The following RGS4 variants were observed in gnomAD, a reference collection of about 807,000 sequenced individuals.
The protein encoded by RGS4 is schizophrenia disorder 9.
In RGS4, 15 loss-of-function variants were observed where a neutral mutation model predicts 21.6. The observed-to-expected ratio is 0.69, with a 90% CI of 0.46 to 1.07. The LOEUF (loss-of-function observed/expected upper bound fraction) is 1.07, where lower values mean the gene tolerates loss of function less well. Among genes scored for constraint, RGS4 ranks in the 50% least tolerant of loss-of-function variants. The pLI is 0.00. For missense variants in RGS4, 237 were observed against 239.0 expected (o/e 0.99, Z 0.06); for synonymous variants, 94 against 85.5 (o/e 1.10, Z -0.55).
At chr1:163,069,157 A>G (rs1655217234), upstream of RGS4, 6 of 1,495,864 alleles carry the variant, frequency 4.0e-6, no homozygotes, top group South Asian at 6.9e-5. Flanking sequence ...CATTGAGTAC[A>G]TTTTTTCCCA....
At position 163,075,690 on chromosome 1, in the gene RGS4, C is replaced by T. The variant is rs192397396; in HGVS notation, c.*1130C>T. Reference sequence around the variant, plus strand: ...TGCTCTTCTCATTTTTTCCTGAGAACCTTAGCCATCAGATGAGGCTCCTTA... The same window carrying T: ...TGCTCTTCTCATTTTTTCCTGAGAATCTTAGCCATCAGATGAGGCTCCTTA... On this transcript the variant is annotated 3_prime_UTR_variant, in exon 5 of 5. Transcript: ENST00000367909. The T allele has an allele frequency of 2.0e-5, 3 of 152,134 alleles. No individual in the cohort carries two copies. The highest frequency in any genetic ancestry group is 2.9e-5 in the Non-Finnish European group (2 of 68,026). The allele number at this position is 152,134 out of a possible 1,614,324, so 9.4% of individuals were successfully genotyped here.
intron 3 of RGS4, 91 bp downstream of exon 3, chr1:163,072,957 C>A: frequency 9.1e-7 from 1 of 1,093,016 alleles, no homozygotes; most frequent in Non-Finnish European, 1.4e-6. Flanking sequence ...GGCCTGGCTT[C>A]TTTCTGATGT....
At chr1:163,069,649 G>A (rs1182869673) in intron 1 of RGS4, 121 bp downstream of exon 1, 4 of 796,996 alleles carry the variant, frequency 5.0e-6, no homozygotes, top group African/African-American at 3.5e-5. Flanking sequence ...AGGAGAGCAC[G>A]ACTTTCTAAC....
intron 1 of RGS4, chr1:163,072,085 A>G: frequency 9.4e-7 from 1 of 1,063,450 alleles, no homozygotes; most frequent in Non-Finnish European, 1.1e-6. Context: ...TGTTGAAGAT[A>G]CCAAAGATAT....
chr1:163,073,265 G>A (rs1655379692), intron 3 of RGS4, among the ~76,000 whole-genome samples, 191 bp from the exon 4 acceptor site: 1 of 152,122 alleles, frequency 6.6e-6, no homozygotes, highest in East Asian at 1.9e-4. Context: ...TCATTAGGTA[G>A]AACTGGGAAC....
chr1:163,074,036 A>T (rs941282125), intron 4 of RGS4: 5 of 459,332 alleles, frequency 1.1e-5, no homozygotes, highest in African/African-American at 7.8e-5. Flanking sequence ...AATCTCTTTT[A>T]TCCATGTGGC....
chr1:163,069,114 C>A, upstream of RGS4: 1 of 1,504,900 alleles, frequency 6.6e-7, no homozygotes, highest in Non-Finnish European at 8.8e-7. Context: ...TTTTCCTTTT[C>A]TAGAAATTCT....
chr1:163,068,929 T>C, upstream of RGS4: 1 of 1,580,684 alleles, frequency 6.3e-7, no homozygotes, highest in Non-Finnish European at 8.7e-7. Context: ...GATCAGATCT[T>C]GGACCATGTA....
chr1:163,074,668 C>T lies in RGS4; in HGVS notation c.*108C>T. 1 of 1,481,358 alleles carries T rather than the reference C, an allele frequency of 6.8e-7. No homozygotes were observed. Among genetic ancestry groups the T allele is most frequent in the Non-Finnish European group, 9.4e-7 (1 of 1,064,090 alleles). The allele number at this position is 1,481,358 out of a possible 1,614,324, so 91.8% of individuals were successfully genotyped here. On this transcript the variant is annotated 3_prime_UTR_variant, in exon 5 of 5. Transcript: ENST00000367909. ...TCCAGTGCTTTATCCACATTGTAGCCTAATATTCATGCTGCCTGCCATGTG... is the reference window on the plus strand; with the variant it reads ...TCCAGTGCTTTATCCACATTGTAGCTTAATATTCATGCTGCCTGCCATGTG...
chr1:163,071,585 A>G lies in RGS4; in HGVS notation c.45-810A>G, dbSNP rs76738003. 3.3e-3 allele frequency among the ~76,000 whole-genome samples: 507 copies of G among 151,838 alleles called. 3 individuals are homozygous for G. The highest frequency in any genetic ancestry group is 0.012 in the African/African-American group (489 of 41,542). On this transcript the variant is annotated intron_variant, in intron 1 of 4. Transcript: ENST00000367909. Reference sequence around the variant, plus strand: ...CTAATGTGCCCTGGCTACCTATTAAATGGTGGCAATAAACTGGAAGCTCAG... The same window carrying G: ...CTAATGTGCCCTGGCTACCTATTAAGTGGTGGCAATAAACTGGAAGCTCAG...
rs1655418412 is a variant in RGS4, at chr1:163,074,134, G to GGTT, written c.379-187_379-186insGTT. On this transcript the variant is annotated intron_variant, in intron 4 of 4. Transcript: ENST00000367909. ...AAGATCTTGCCCTGCTCTCTCTAAA[G>GGTT]CAGAAAGGTTCATTCTGAACCTTTC... is the stretch of plus-strand genomic sequence containing the variant. 2.7e-5 allele frequency: 18 copies of GGTT among 671,668 alleles called. No homozygotes were observed. In the East Asian group the frequency reaches 4.5e-4, roughly 17 times the overall value. 41.6% of individuals were successfully genotyped at this position (671,668 alleles called of 1,614,324 possible). A position where few individuals can be genotyped will look rare whatever the true frequency, so the allele number is the denominator to read the frequency against.
rs774105200 is a variant in RGS4 at position 163,069,510 on chromosome 1, CG to C, written c.28del (p.Ala10LeufsTer4). 1 of 1,613,342 alleles carries C rather than the reference CG, an allele frequency of 6.2e-7. No homozygotes were observed. The highest frequency in any genetic ancestry group is 1.1e-5 in the South Asian group (1 of 91,050). ...ATGTGCAAAGGGCTTGCAGGTCTGC[CG>C]GCTTCTTGCTTGAGGAGGTAAGATT... MCKGLAGL[P>X]ASCLRSAKDM... On this transcript the variant is annotated frameshift_variant, in exon 1 of 5. Coordinates refer to ENST00000367909, the MANE Select transcript of RGS4 (RefSeq NM_005613.6). LOFTEE classifies it high-confidence loss of function.
chr1:163,071,331 T>C (rs1332685460), intron 1 of RGS4, among the ~76,000 whole-genome samples: 1 of 152,104 alleles, frequency 6.6e-6, no homozygotes, highest in East Asian at 1.9e-4. Flanking sequence ...CATACATAAA[T>C]GTATTAGTGG....
chr1:163,070,785 A>G (rs926820222), intron 1 of RGS4: 7 of 152,188 alleles, frequency 4.6e-5, no homozygotes, highest in African/African-American at 1.4e-4. Flanking sequence ...TTAAGCAGCT[A>G]ATCTAAGGAG....
chr1:163,070,360 A>T (rs1247636555), intron 1 of RGS4, among the ~76,000 whole-genome samples: 1 of 152,204 alleles, frequency 6.6e-6, no homozygotes, highest in African/African-American at 2.4e-5. Context: ...TACATTACTT[A>T]ATCTTGCAGT....
chr1:163,072,638 A>G, intron 2 of RGS4, 139 bp downstream of exon 2: 1 of 834,464 alleles, frequency 1.2e-6, no homozygotes, highest in Non-Finnish European at 1.9e-6. Context: ...GATCATAACT[A>G]CATTTGAAAT....
Position 163,074,359 on chromosome 1 carries a change from G to C in RGS4, c.417G>C (p.Arg139=). 2 of 1,613,842 alleles carry C rather than the reference G, an allele frequency of 1.2e-6. No individual in the cohort carries two copies. Among genetic ancestry groups the C allele is most frequent in the Non-Finnish European group, 8.5e-7 (1 of 1,179,822 alleles). ...LDSCTREETS[R]NMLEPTITCF... ...CTTGCACCAGGGAAGAGACAAGCCG[G>C]AACATGCTAGAGCCTACAATAACCT... The change falls in exon 5 of 5, where the codon CGG becomes CGC. Residue 139 remains arginine, a synonymous_variant. Coordinates refer to ENST00000367909, the MANE Select transcript of RGS4 (RefSeq NM_005613.6).
upstream of RGS4, chr1:163,069,022 T>C: frequency 6.3e-7 from 1 of 1,586,848 alleles, no homozygotes; most frequent in South Asian, 1.2e-5. Flanking sequence ...CTGGTACTTT[T>C]CCTTCCAGGA....
chr1:163,073,558 C>T lies in RGS4; in HGVS notation c.314C>T (p.Ser105Phe). 1 of 1,612,266 alleles carries T rather than the reference C, an allele frequency of 6.2e-7. No homozygotes were observed. The highest frequency in any genetic ancestry group is 1.1e-5 in the South Asian group (1 of 90,840). The change falls in exon 4 of 5, where the codon TCT becomes TTT. Residue 105 changes from serine to phenylalanine, a missense_variant. By Grantham distance (155) the Ser-to-Phe change is radical. Coordinates refer to ENST00000367909, the MANE Select transcript of RGS4 (RefSeq NM_005613.6). ...CEEYKKIKSP[S>F]KLSPKAKKIY... The stretch of plus-strand genomic sequence containing the variant: ...GAGTACAAGAAAATCAAATCACCAT[C>T]TAAACTAAGTCCCAAGGCCAAAAAG...
Sources: allele counts gnomAD v4.1 joint callset (sites outside exome capture counted in the v4.1 genomes callset), GRCh38; gene constraint gnomAD v4.1.1; transcripts MANE v1.5; gene names NCBI Gene and HGNC (gene_info 2026-07-23, HGNC 2026-07-21).